Variants in TSPAN12 observed in about 807,000 individuals in gnomAD.
TSPAN12 encodes the protein tetraspanin-12.
A neutral mutation model predicts 39.2 loss-of-function variants in TSPAN12; 19 were observed. The ratio of observed to expected loss-of-function variants is 0.49; its 90% CI spans 0.34 to 0.71. The LOEUF is 0.71. Among genes scored for constraint, TSPAN12 ranks in the 30% least tolerant of loss-of-function variants. The pLI, the probability that TSPAN12 is intolerant of heterozygous loss-of-function variation, is 0.01. For synonymous variants in TSPAN12, 119 were observed against 124.8 expected, an observed-to-expected ratio of 0.95 and a Z score of 0.31; for missense variants, 314 against 359.9, an observed-to-expected ratio of 0.87 and a Z score of 1.03.
At chr7:120,809,613 C>A (rs1793939247) in intron 6 of TSPAN12, among the ~76,000 whole-genome samples, 1 of 152,096 alleles carries the variant, frequency 6.6e-6, no homozygotes, top group South Asian at 2.1e-4. Flanking sequence ...CGGCCTAGCA[C>A]TAAGATAAAT....
chr7:120,820,045 T>C (rs541200369), intron 4 of TSPAN12, among the ~76,000 whole-genome samples: 2 of 152,284 alleles, frequency 1.3e-5, no homozygotes, highest in South Asian at 4.1e-4. Context: ...GGAACAGGTA[T>C]GTATCTCCCC....
At chr7:120,857,396 A>G (rs3814460) in intron 1 of TSPAN12, 63,591 of 152,754 alleles carry the variant, frequency 0.42, 15,545 homozygotes, top group African/African-American at 0.7. Flanking sequence ...GGCGGGGGCG[A>G]GGGGGCAGCG....
intron 4 of TSPAN12, among the ~76,000 whole-genome samples, chr7:120,828,484 C>G (rs1266501854): frequency 6.6e-6 from 1 of 152,104 alleles, no homozygotes; most frequent in African/African-American, 2.4e-5. Context: ...GTTCCTTCCA[C>G]CAGCCTTTGG....
At chr7:120,789,089 G>A (rs1328404150) in intron 7 of TSPAN12, among the ~76,000 whole-genome samples, 192 bp from the exon 8 acceptor site, 1 of 152,198 alleles carries the variant, frequency 6.6e-6, no homozygotes, top group Non-Finnish European at 1.5e-5. Context: ...TGAAAAGCCT[G>A]TCCAGCTGAT....
chr7:120,809,149 G>A (rs147654651), intron 6 of TSPAN12, among the ~76,000 whole-genome samples: 16 of 152,040 alleles, frequency 1.1e-4, no homozygotes, highest in African/African-American at 2.7e-4. Context: ...GATAATGGAG[G>A]AGGAAACTTA....
At chr7:120,839,730 T>C (rs745393548) in intron 3 of TSPAN12, among the ~76,000 whole-genome samples, 1 of 152,298 alleles carries the variant, frequency 6.6e-6, no homozygotes, top group Admixed American at 6.5e-5. Context: ...GAAAAGTAAC[T>C]ATGCTGGTTC....
chr7:120,844,788 C>T (rs949157515), intron 2 of TSPAN12, among the ~76,000 whole-genome samples: 14 of 152,166 alleles, frequency 9.2e-5, no homozygotes, highest in Non-Finnish European at 8.8e-5. Flanking sequence ...TGATGCAAGT[C>T]GTCAGTGGGT....
chr7:120,838,898 A>G lies in TSPAN12; in HGVS notation c.164T>C (p.Val55Ala). 1 of 1,614,012 alleles carries G rather than the reference A, an allele frequency of 6.2e-7. No homozygotes were observed. Among genetic ancestry groups the G allele is most frequent in the Non-Finnish European group, 8.5e-7 (1 of 1,179,944 alleles). The change falls in exon 4 of 8, where the codon GTC becomes GCC. Residue 55 changes from valine to alanine, a missense_variant. Transcript: ENST00000222747. The stretch of plus-strand genomic sequence containing the variant: ...AACCACAGGAAAGTAAGTCAAAATG[A>G]CTGCTTCCTCTACCCTGAAAGAAGA... ...LTAETRVEEAVILTYFPVVHP... is the reference protein window; with the variant it reads ...LTAETRVEEAAILTYFPVVHP...
intron 2 of TSPAN12, among the ~76,000 whole-genome samples, chr7:120,849,480 T>G (rs1294631792): frequency 6.6e-6 from 1 of 152,216 alleles, no homozygotes; most frequent in East Asian, 1.9e-4. Context: ...TTAAACTGTC[T>G]GCCATCTGTA....
intron 5 of TSPAN12, among the ~76,000 whole-genome samples, chr7:120,812,425 C>A (rs1793999492): frequency 1.3e-5 from 2 of 152,002 alleles, no homozygotes; most frequent in African/African-American, 2.4e-5. Context: ...ACAAATAACA[C>A]AAAGATAGAG....
intron 2 of TSPAN12, among the ~76,000 whole-genome samples, chr7:120,853,697 A>AC (rs1456387572): frequency 1.3e-5 from 2 of 150,484 alleles, no homozygotes; most frequent in Non-Finnish European, 3.0e-5. Context: ...ATATGATGAA[A>AC]CCCCATCTCT....
At chr7:120,848,414 T>C (rs576490660) in intron 2 of TSPAN12, among the ~76,000 whole-genome samples, 3 of 152,232 alleles carry the variant, frequency 2.0e-5, no homozygotes, top group South Asian at 4.2e-4. Flanking sequence ...ATAATTAAAT[T>C]AAAGGGAGAT....
chr7:120,835,653 G>A (rs1437917273), intron 4 of TSPAN12, among the ~76,000 whole-genome samples: 1 of 152,076 alleles, frequency 6.6e-6, no homozygotes, highest in Non-Finnish European at 1.5e-5. Context: ...GGATAAAATT[G>A]ATTAACTCAT....
At chr7:120,842,380 C>T (rs545989160) in intron 2 of TSPAN12, among the ~76,000 whole-genome samples, 2 of 151,528 alleles carry the variant, frequency 1.3e-5, no homozygotes, top group East Asian at 1.9e-4. Context: ...GAAATAAGAT[C>T]CAGGCCTTCT....
rs148802163 is a variant in TSPAN12, at chr7:120,800,744, G to GTTTTTTTT, written c.612+5797_612+5804dup. Reference sequence around the variant, plus strand: ...CTGCTGAAATAAAGTTTTCCTTATCGTTTTTTTTTGTTTTTTTTTTTTGAG... The same window carrying GTTTTTTTT: ...CTGCTGAAATAAAGTTTTCCTTATCGTTTTTTTTTTTTTTTTTGTTTTTTTTTTTTGAG... On this transcript the variant is annotated intron_variant, in intron 7 of 7. Transcript: ENST00000222747. Among the ~76,000 whole-genome samples the GTTTTTTTT allele has an allele frequency of 5.1e-5, 6 of 118,732 alleles. 1 individual carries two copies. Among genetic ancestry groups the GTTTTTTTT allele is most frequent in the Non-Finnish European group, 1.7e-5 (1 of 59,010 alleles). The allele number at this position is 118,732 out of a possible 152,430, so 77.9% of individuals were successfully genotyped here. A position where few individuals can be genotyped will look rare whatever the true frequency, so the allele number is the denominator to read the frequency against.
chr7:120,841,730 CATA>C (rs973193973), intron 2 of TSPAN12, among the ~76,000 whole-genome samples: 23 of 151,972 alleles, frequency 1.5e-4, no homozygotes, highest in Non-Finnish European at 3.1e-4. Context: ...AAAACCGAAA[CATA>C]ATGATGACTG....
At chr7:120,838,953 C>A in intron 3 of TSPAN12, 41 bp from the exon 4 acceptor site, 1 of 1,598,686 alleles carries the variant, frequency 6.3e-7, no homozygotes, top group Non-Finnish European at 8.6e-7. Context: ...AAAATATAAT[C>A]AAAATGCACC....
At chr7:120,842,978 T>C (rs1004777693) in intron 2 of TSPAN12, among the ~76,000 whole-genome samples, 3 of 152,046 alleles carry the variant, frequency 2.0e-5, no homozygotes, top group African/African-American at 7.2e-5. Flanking sequence ...ATTATAGTAA[T>C]TAATTACTAT....
chr7:120,811,538 C>T (rs1468356806), intron 5 of TSPAN12, among the ~76,000 whole-genome samples: 2 of 151,390 alleles, frequency 1.3e-5, no homozygotes, highest in Admixed American at 6.6e-5. Flanking sequence ...GGTGTAGTGG[C>T]GGGTGCCTGT....
Sources: gnomAD v4.1 joint callset for allele counts (sites outside exome capture counted in the v4.1 genomes callset) on GRCh38, gnomAD v4.1.1 for gene constraint, MANE v1.5 for transcripts, NCBI Gene and HGNC (gene_info 2026-07-23, HGNC 2026-07-21) for gene names.